Variants in BABAM2 observed in about 807,000 individuals in gnomAD.
BABAM2 encodes BRISC and BRCA1-A complex member 2.
A neutral mutation model predicts 54.7 loss-of-function variants in BABAM2; 31 were observed. The observed-to-expected ratio is 0.57, with a 90% CI of 0.43 to 0.77. The LOEUF is 0.77. Ranked by LOEUF, BABAM2 falls within the 30% of genes least tolerant of loss-of-function variation. The pLI is 0.00. For missense variants in BABAM2, 364 were observed against 455.8 expected, an observed-to-expected ratio of 0.80 and a Z score of 1.83; for synonymous variants, 167 against 162.9, an observed-to-expected ratio of 1.03 and a Z score of -0.19.
chr2:28,291,604 A>AT (rs1687290159), intron 10 of BABAM2, among the ~76,000 whole-genome samples: 2 of 152,288 alleles, frequency 1.3e-5, no homozygotes, highest in Admixed American at 1.3e-4. Context: ...CCAAAAAAAA[A>AT]AAATAAACAA....
At chr2:28,185,003 C>T (rs1676129816) in intron 7 of BABAM2, among the ~76,000 whole-genome samples, 1 of 152,096 alleles carries the variant, frequency 6.6e-6, no homozygotes, top group Non-Finnish European at 1.5e-5. Context: ...TATCCTGAAA[C>T]TTTTATGTTA....
At chr2:28,022,857 A>T (rs907563014) in intron 4 of BABAM2, among the ~76,000 whole-genome samples, 1 of 152,204 alleles carries the variant, frequency 6.6e-6, no homozygotes, top group African/African-American at 2.4e-5. Flanking sequence ...AATGCCTTGT[A>T]TTGCCAGACC....
intron 10 of BABAM2, among the ~76,000 whole-genome samples, chr2:28,254,414 G>A (rs1344991973): frequency 6.6e-6 from 1 of 152,098 alleles, no homozygotes; most frequent in Non-Finnish European, 1.5e-5. Flanking sequence ...TGGGATTACA[G>A]GCATGAGCCG....
chr2:27,978,629 C>G (rs1385678468), intron 3 of BABAM2, among the ~76,000 whole-genome samples: 1 of 152,096 alleles, frequency 6.6e-6, no homozygotes. Flanking sequence ...TTACCTTTTT[C>G]TTTTTTTCTT....
At chr2:28,334,918 CTG>C (rs974515883) in intron 11 of BABAM2, among the ~76,000 whole-genome samples, 1 of 152,130 alleles carries the variant, frequency 6.6e-6, no homozygotes, top group Non-Finnish European at 1.5e-5. Context: ...TTAAGGGTGA[CTG>C]TGGCGACTGT....
intron 11 of BABAM2, among the ~76,000 whole-genome samples, chr2:28,320,137 C>T (rs530491637): frequency 6.6e-6 from 1 of 152,324 alleles, no homozygotes; most frequent in South Asian, 2.1e-4. Flanking sequence ...CTGTCCTACC[C>T]TTTTAATTCT....
intron 2 of BABAM2, among the ~76,000 whole-genome samples, chr2:27,905,751 A>G (rs1361402270): frequency 2.6e-5 from 4 of 152,220 alleles, no homozygotes; most frequent in Non-Finnish European, 4.4e-5. Flanking sequence ...AACAAAACTC[A>G]GAGAAATCAT....
intron 5 of BABAM2, among the ~76,000 whole-genome samples, chr2:28,028,689 T>C (rs1409092463): frequency 6.6e-6 from 1 of 152,206 alleles, no homozygotes; most frequent in Non-Finnish European, 1.5e-5. Context: ...GGTGCTCTTC[T>C]CTGCTAATTC....
chr2:28,234,340 A>C (rs982727354), intron 7 of BABAM2, among the ~76,000 whole-genome samples: 15 of 152,134 alleles, frequency 9.9e-5, no homozygotes, highest in African/African-American at 3.6e-4. Flanking sequence ...TGGGCCTGGC[A>C]GCAGAACACC....
intron 10 of BABAM2, among the ~76,000 whole-genome samples, chr2:28,286,065 C>T (rs1686775957): frequency 1.3e-5 from 2 of 151,696 alleles, no homozygotes; most frequent in South Asian, 2.1e-4. Flanking sequence ...AAGCAATTCT[C>T]CTGCCTCAGC....
At chr2:27,934,272 T>A (rs927424043) in intron 3 of BABAM2, among the ~76,000 whole-genome samples, 1 of 152,210 alleles carries the variant, frequency 6.6e-6, no homozygotes, top group Non-Finnish European at 1.5e-5. Context: ...ACATACTTTT[T>A]CATTATTATT....
intron 6 of BABAM2, among the ~76,000 whole-genome samples, chr2:28,072,096 C>T (rs1218588355): frequency 6.6e-6 from 1 of 152,142 alleles, no homozygotes; most frequent in African/African-American, 2.4e-5. Context: ...TCATAACTCA[C>T]TATAACCTCA....
chr2:28,168,696 T>C (rs1250118062), intron 7 of BABAM2, among the ~76,000 whole-genome samples: 2 of 152,222 alleles, frequency 1.3e-5, no homozygotes, highest in Non-Finnish European at 1.5e-5. Context: ...TCACTGAAAC[T>C]TCTATTTTAA....
In BABAM2 at chr2:28,236,128, AT is replaced by A. The variant is rs372664946; in HGVS notation, c.681-1073del. Among the ~76,000 whole-genome samples the A allele has an allele frequency of 3.5e-3, 528 of 152,296 alleles. 3 individuals are homozygous for A. Among genetic ancestry groups the A allele is most frequent in the Non-Finnish European group, 5.8e-3 (394 of 68,016 alleles). ...TAAGGGATTTTAGGGATTTTTAAAA[AT>A]ATCCCATCATATTACAGAGAGGGTT... is the stretch of plus-strand genomic sequence containing the variant. On this transcript the variant is annotated intron_variant, in intron 7 of 11. Transcript: ENST00000379624.
At chr2:28,145,725 A>G (rs1420104754) in intron 7 of BABAM2, among the ~76,000 whole-genome samples, 2 of 151,976 alleles carry the variant, frequency 1.3e-5, no homozygotes, top group African/African-American at 4.8e-5. Context: ...CTTTGCAGTT[A>G]CTCCCAGTTT....
chr2:27,897,002 T>C (rs1048798999), intron 2 of BABAM2: 3 of 154,856 alleles, frequency 1.9e-5, no homozygotes, highest in African/African-American at 7.2e-5. Flanking sequence ...CTGCATCCCG[T>C]AGTCTGGCAG....
At chr2:28,190,223 C>T (rs1470251403) in intron 7 of BABAM2, among the ~76,000 whole-genome samples, 1 of 152,152 alleles carries the variant, frequency 6.6e-6, no homozygotes, top group African/African-American at 2.4e-5. Flanking sequence ...TAACAAAATA[C>T]TATAGATTGA....
intron 6 of BABAM2, among the ~76,000 whole-genome samples, chr2:28,084,750 G>C (rs1665494341): frequency 6.6e-6 from 1 of 152,086 alleles, no homozygotes; most frequent in African/African-American, 2.4e-5. Context: ...TAGTTTAGGG[G>C]CCATGAGACG....
rs535407208 is a variant in BABAM2 at position 28,197,272 on chromosome 2, C to T, written c.681-39930C>T. ...CTCTTGTTTTAAAGCCTTGCTTGAG[C>T]GCCGGCTGATACATATCCTGACCAA... On this transcript the variant is annotated intron_variant, in intron 7 of 11. Transcript: ENST00000379624. Among the ~76,000 whole-genome samples, 658 of 152,236 alleles carry T rather than the reference C, an allele frequency of 4.3e-3. 18 individuals carry two copies. The highest frequency in any genetic ancestry group is 1.8e-3 in the Non-Finnish European group (122 of 68,032).
Sources: gnomAD v4.1 joint callset for allele counts (sites outside exome capture counted in the v4.1 genomes callset) on GRCh38, gnomAD v4.1.1 for gene constraint, MANE v1.5 for transcripts, NCBI Gene and HGNC (gene_info 2026-07-23, HGNC 2026-07-21) for gene names.